AGO2: variants seen among roughly 807,000 people sequenced by gnomAD.
AGO2 encodes the protein protein argonaute-2.
In AGO2, 5 loss-of-function variants were observed where a neutral mutation model predicts 102.3. That is an observed-to-expected ratio of 0.05 (90% CI 0.03 to 0.10). The LOEUF is 0.10. Among genes scored for constraint, AGO2 ranks in the 10% least tolerant of loss-of-function variants. The probability of loss-of-function intolerance (pLI) is 1.00; values close to 1 mark genes in which losing one functional copy is unlikely to be tolerated. For missense variants in AGO2, 541 were observed against 1,183.7 expected, an observed-to-expected ratio of 0.46 and a Z score of 7.97; for synonymous variants, 449 against 473.1, an observed-to-expected ratio of 0.95 and a Z score of 0.66.
intron 1 of AGO2, among the ~76,000 whole-genome samples, chr8:140,632,769 T>C (rs551787851): frequency 7.5e-4 from 115 of 152,352 alleles, no homozygotes; most frequent in African/African-American, 2.6e-3. Context: ...AGATTCTAAA[T>C]AGCATTCACA....
chr8:140,623,740 C>T (rs75396503), intron 1 of AGO2, among the ~76,000 whole-genome samples: 7,976 of 152,200 alleles, frequency 0.052, 521 homozygotes, highest in African/African-American at 0.15. Flanking sequence ...AGGCCACAGA[C>T]GTCATCTCCC....
At chr8:140,563,844 T>C (rs2073239867) in intron 3 of AGO2, among the ~76,000 whole-genome samples, 2 of 152,296 alleles carry the variant, frequency 1.3e-5, no homozygotes, top group South Asian at 2.1e-4. Flanking sequence ...CTGCCCGCCA[T>C]GCCCATGCCC....
chr8:140,544,357 C>T (rs878998212), intron 13 of AGO2, 54 bp from the exon 14 acceptor site: 26 of 1,470,256 alleles, frequency 1.8e-5, no homozygotes, highest in South Asian at 7.6e-5. Flanking sequence ...GGACCTCTGA[C>T]GCTAGTAGGT....
chr8:140,606,048 C>T (rs61065904), intron 1 of AGO2, among the ~76,000 whole-genome samples: 4,279 of 152,288 alleles, frequency 0.028, 186 homozygotes, highest in African/African-American at 0.097. Context: ...GTTGCTTTTT[C>T]GTAATTATAA....
chr8:140,635,346 C>T, intron 1 of AGO2, 139 bp downstream of exon 1: 1 of 519,500 alleles, frequency 1.9e-6, no homozygotes, highest in Non-Finnish European at 2.5e-6. Flanking sequence ...AGCGCGGCCC[C>T]GGCTCGCCCG....
At position 140,541,216 on chromosome 8, in the gene AGO2, G is replaced by A; in HGVS notation, c.1982C>T (p.Pro661Leu). Residue 661 changes from proline to leucine, a missense_variant, in exon 15 of 19, where the codon CCC becomes CTC. Around this residue, in one of 6 missense-constraint regions of AGO2, gnomAD observed 309 missense variants for 735.1 expected, o/e 0.42. Coordinates refer to ENST00000220592, the MANE Select transcript of AGO2 (RefSeq NM_012154.5). ...IQFYKSTRFK[P>L]TRIIFYRDGV... The stretch of plus-strand genomic sequence containing the variant: ...GTCGCGGTAGAAGATGATGCGGGTG[G>A]GCTTGAAGCGCGTGGACTTGTAGAA... 1 of 1,602,264 alleles carries A rather than the reference G, an allele frequency of 6.2e-7. No homozygotes were observed. Among genetic ancestry groups the A allele is most frequent in the Non-Finnish European group, 8.5e-7 (1 of 1,174,688 alleles).
chr8:140,595,799 ATATACAATTGTATATATTATATTTATAT>A (rs1392077741), intron 1 of AGO2, among the ~76,000 whole-genome samples: 1 of 50,984 alleles, frequency 2.0e-5, no homozygotes, highest in Admixed American at 3.3e-4. Flanking sequence ...CAATTATATT[ATATACAATTGTATATATTATATTTATAT>A]TATATACAAT....
chr8:140,535,645 C>T (rs1369047428), intron 16 of AGO2, 76 bp from the exon 17 acceptor site: 13 of 1,410,092 alleles, frequency 9.2e-6, no homozygotes, highest in East Asian at 4.6e-5. Flanking sequence ...GCAGCCGCGC[C>T]GCCCGCTGGC....
At chr8:140,532,387 T>G in intron 18 of AGO2, 29 bp downstream of exon 18, 2 of 1,598,442 alleles carry the variant, frequency 1.3e-6, no homozygotes, top group Non-Finnish European at 1.7e-6. Flanking sequence ...CCACCCCTGC[T>G]GTGACCTCCA....
intron 17 of AGO2, 47 bp downstream of exon 17, chr8:140,535,421 C>G (rs750775978): frequency 1.3e-6 from 2 of 1,588,512 alleles, no homozygotes; most frequent in East Asian, 4.5e-5. Flanking sequence ...GTGGGGATGA[C>G]ACGGCAGACG....
intron 14 of AGO2, among the ~76,000 whole-genome samples, chr8:140,542,591 C>T (rs1343590477): frequency 6.7e-6 from 1 of 149,778 alleles, no homozygotes; most frequent in Non-Finnish European, 1.5e-5. Flanking sequence ...AAAAAAAAAC[C>T]AGCCTAAGGC....
chr8:140,553,404 G>GT lies in AGO2; in HGVS notation c.1270-1969dup, dbSNP rs1386366277. On this transcript the variant is annotated intron_variant, in intron 10 of 18. Transcript: ENST00000220592. The stretch of plus-strand genomic sequence containing the variant: ...GCCTCAAACAAGTTACAAGTTTTTT[G>GT]TTTTTTGTTTTTTTTTTTTTTTGAG... Among the ~76,000 whole-genome samples, 717 of 101,624 alleles carry GT rather than the reference G, an allele frequency of 7.1e-3. 29 individuals are homozygous for GT. The highest frequency in any genetic ancestry group is 0.027 in the African/African-American group (546 of 20,576). 66.7% of individuals were successfully genotyped at this position (101,624 alleles called of 152,430 possible).
At position 140,531,393 on chromosome 8, in the gene AGO2, C is replaced by G. The variant is rs1564069316; in HGVS notation, c.*651G>C. ...CACTTGTCTGCCAACCTCTCTGGAC[C>G]TGGAAATGCTGTAAACACACGGGGC... On this transcript the variant is annotated 3_prime_UTR_variant, in exon 19 of 19. Transcript: ENST00000220592. 1 of 152,572 alleles carries G rather than the reference C, an allele frequency of 6.6e-6. No individual in the cohort carries two copies. Among genetic ancestry groups the G allele is most frequent in the African/African-American group, 2.4e-5 (1 of 41,432 alleles). The allele number at this position is 152,572 out of a possible 1,614,324, so 9.5% of individuals were successfully genotyped here. A position where few individuals can be genotyped will look rare whatever the true frequency, so the allele number is the denominator to read the frequency against.
intron 1 of AGO2, among the ~76,000 whole-genome samples, chr8:140,588,624 AAAGGAGGAAGGGAAGG>A (rs2073699319): frequency 8.1e-6 from 1 of 124,058 alleles, no homozygotes; most frequent in South Asian, 2.7e-4. Context: ...GGGAGGGAGG[AAAGGAGGAAGGGAAGG>A]AAGGAGGAAA....
At chr8:140,594,132 G>T (rs1415997412) in intron 1 of AGO2, among the ~76,000 whole-genome samples, 1 of 152,154 alleles carries the variant, frequency 6.6e-6, no homozygotes, top group Non-Finnish European at 1.5e-5. Context: ...CTTCAGAAGA[G>T]GGCAGGGAGG....
chr8:140,606,934 C>A (rs901134639), intron 1 of AGO2, among the ~76,000 whole-genome samples: 1 of 151,216 alleles, frequency 6.6e-6, no homozygotes, highest in Non-Finnish European at 1.5e-5. Flanking sequence ...AAGACTGCCT[C>A]AAAATAATAA....
chr8:140,574,497 C>G (rs1347015034), intron 2 of AGO2, among the ~76,000 whole-genome samples: 1 of 152,084 alleles, frequency 6.6e-6, no homozygotes, highest in Non-Finnish European at 1.5e-5. Context: ...CTCCTGGGCT[C>G]AGGCAATCCT....
intron 14 of AGO2, among the ~76,000 whole-genome samples, chr8:140,543,516 C>T (rs28626672): frequency 0.011 from 1,656 of 152,246 alleles, 29 homozygotes; most frequent in African/African-American, 0.037. Flanking sequence ...AGTGCAGCGG[C>T]GCAATCTCTT....
At chr8:140,553,123 T>G (rs2132918600) in intron 10 of AGO2, among the ~76,000 whole-genome samples, 1 of 152,312 alleles carries the variant, frequency 6.6e-6, no homozygotes, top group East Asian at 1.9e-4. Flanking sequence ...CTCAGTCAGG[T>G]GCAGTGGCTT....
Sources: allele counts gnomAD v4.1 joint callset (sites outside exome capture counted in the v4.1 genomes callset), GRCh38; gene constraint gnomAD v4.1.1; regional missense constraint gnomAD v4.1.1; transcripts MANE v1.5; gene names NCBI Gene and HGNC (gene_info 2026-07-23, HGNC 2026-07-21).